The following TANK variants were observed in gnomAD, a reference collection of about 807,000 sequenced individuals.
The protein encoded by TANK is TRAF family member associated NFKB activator.
In TANK, 15 loss-of-function variants were observed where a neutral mutation model predicts 43.6. The observed-to-expected ratio is 0.34, with a 90% CI of 0.23 to 0.53. The LOEUF is 0.53. Ranked by LOEUF, TANK falls within the 20% of genes least tolerant of loss-of-function variation. TANK has a pLI of 0.94. For missense variants in TANK, 417 were observed against 498.6 expected (o/e 0.84, Z 1.56); for synonymous variants, 162 against 178.2 (o/e 0.91, Z 0.73).
At chr2:161,160,529 A>G in intron 1 of TANK, 43 bp downstream of exon 1, 1 of 1,285,052 alleles carries the variant, frequency 7.8e-7, no homozygotes, top group South Asian at 2.5e-5. Flanking sequence ...GAATCCGTCA[A>G]GCACGACGTC....
At chr2:161,207,563 A>C in intron 4 of TANK, 8 of 984,208 alleles carry the variant, frequency 8.1e-6, no homozygotes, top group Non-Finnish European at 9.7e-6. Flanking sequence ...AGAATGGATA[A>C]ATTAGATTTA....
chr2:161,174,650 T>A (rs1558974441), intron 1 of TANK, among the ~76,000 whole-genome samples: 1 of 152,210 alleles, frequency 6.6e-6, no homozygotes, highest in Non-Finnish European at 1.5e-5. Flanking sequence ...CCAAACTCTT[T>A]GTCTTAATAA....
chr2:161,201,998 A>C (rs1214677840), intron 2 of TANK, among the ~76,000 whole-genome samples: 1 of 152,132 alleles, frequency 6.6e-6, no homozygotes, highest in Non-Finnish European at 1.5e-5. Context: ...CCTATGTATA[A>C]GTTACTTAAT....
At chr2:161,180,532 C>G (rs1685370563) in intron 2 of TANK, among the ~76,000 whole-genome samples, 1 of 152,106 alleles carries the variant, frequency 6.6e-6, no homozygotes, top group Non-Finnish European at 1.5e-5. Context: ...ATGTTATGTT[C>G]CATGTTTCCA....
intron 1 of TANK, among the ~76,000 whole-genome samples, chr2:161,178,596 C>T (rs1269603754): frequency 6.6e-6 from 1 of 151,818 alleles, no homozygotes; most frequent in African/African-American, 2.4e-5. Context: ...GATGCTTGCA[C>T]AACATAATGA....
At chr2:161,207,503 T>G in intron 4 of TANK, 4 of 984,656 alleles carry the variant, frequency 4.1e-6, no homozygotes, top group Non-Finnish European at 4.8e-6. Flanking sequence ...AAAGTGCTAA[T>G]GAGCACTAAA....
chr2:161,220,237 G>C (rs1687281093), intron 4 of TANK, among the ~76,000 whole-genome samples: 1 of 152,148 alleles, frequency 6.6e-6, no homozygotes. Flanking sequence ...GCCTTTTAAA[G>C]TTTAGGTTTC....
intron 2 of TANK, among the ~76,000 whole-genome samples, chr2:161,188,094 A>G (rs970260021): frequency 2.0e-5 from 3 of 152,164 alleles, no homozygotes; most frequent in Non-Finnish European, 4.4e-5. Context: ...AAATGCATGT[A>G]TTGAAGAAGA....
At chr2:161,180,088 AG>A in intron 2 of TANK, 1 of 1,017,566 alleles carries the variant, frequency 9.8e-7, no homozygotes, top group African/African-American at 1.7e-5. Flanking sequence ...ATGACACAGA[AG>A]TATCACTGTC....
chr2:161,164,684 A>G (rs957731608), intron 1 of TANK, among the ~76,000 whole-genome samples: 1 of 152,204 alleles, frequency 6.6e-6, no homozygotes, highest in Non-Finnish European at 1.5e-5. Flanking sequence ...TATGTAGTAC[A>G]TGTGTCACAT....
At chr2:161,212,887 G>C (rs1248021727) in intron 4 of TANK, 11 of 626,354 alleles carry the variant, frequency 1.8e-5, no homozygotes, top group Non-Finnish European at 2.2e-5. Flanking sequence ...AAAGAAAAAA[G>C]GTTTATTTGG....
At chr2:161,206,743 A>G (rs993678726) in intron 4 of TANK, among the ~76,000 whole-genome samples, 5 of 152,096 alleles carry the variant, frequency 3.3e-5, no homozygotes, top group Admixed American at 3.3e-4. Flanking sequence ...TTTGGAATGC[A>G]ATTTTTTTAC....
chr2:161,227,706 A>G (rs1486303065), intron 6 of TANK, among the ~76,000 whole-genome samples: 2 of 152,244 alleles, frequency 1.3e-5, no homozygotes, highest in African/African-American at 4.8e-5. Flanking sequence ...TGTGAAGATC[A>G]TTTGATAAGT....
At chr2:161,171,112 A>G (rs1437660569) in intron 1 of TANK, among the ~76,000 whole-genome samples, 1 of 152,174 alleles carries the variant, frequency 6.6e-6, no homozygotes, top group African/African-American at 2.4e-5. Flanking sequence ...CTAGGTCTGA[A>G]TATTCATATT....
intron 1 of TANK, among the ~76,000 whole-genome samples, chr2:161,145,212 G>A (rs1479522153): frequency 8.5e-6 from 1 of 117,618 alleles, no homozygotes; most frequent in Non-Finnish European, 1.6e-5. Flanking sequence ...TTGAGCCTAT[G>A]TGTGTCTTTG....
At position 161,188,344 on chromosome 2, in the gene TANK, TGAG is replaced by T. The variant is rs1318166003; in HGVS notation, c.99+8586_99+8588del. On this transcript the variant is annotated intron_variant, in intron 2 of 7. Coordinates refer to ENST00000392749, the MANE Select transcript of TANK (RefSeq NM_001199135.3). ...AAGACAAATAACTAAAATAAGAAAA[TGAG>T]GACATTATTACCTACTTTACAAAAG... Among the ~76,000 whole-genome samples the T allele has an allele frequency of 6.6e-5, 10 of 152,056 alleles. No homozygotes were observed. The East Asian group carries it at 1.5e-3, about 23-fold the overall frequency.
chr2:161,200,275 T>G, intron 2 of TANK: 1 of 834,046 alleles, frequency 1.2e-6, no homozygotes, highest in Non-Finnish European at 1.4e-6. Flanking sequence ...TCTTTGATAG[T>G]GCTAGAATGT....
intron 1 of TANK, among the ~76,000 whole-genome samples, chr2:161,141,193 A>G (rs565435518): frequency 6.6e-6 from 1 of 152,146 alleles, no homozygotes; most frequent in Non-Finnish European, 1.5e-5. Context: ...AAAAGGAAAC[A>G]GTGTACTATT....
chr2:161,224,560 C>T (rs899080426), intron 5 of TANK, 71 bp from the exon 6 acceptor site: 3 of 618,098 alleles, frequency 4.9e-6, no homozygotes, highest in Non-Finnish European at 8.1e-6. Context: ...AATGGTACTA[C>T]ATAAGTTTGA....
Sources: allele counts gnomAD v4.1 joint callset (sites outside exome capture counted in the v4.1 genomes callset), GRCh38; gene constraint gnomAD v4.1.1; transcripts MANE v1.5; gene names NCBI Gene and HGNC (gene_info 2026-07-23, HGNC 2026-07-21).